The following TULP4 variants were observed in gnomAD, a reference collection of about 807,000 sequenced individuals.
TULP4 encodes tubby-related protein 4.
In TULP4, 16 loss-of-function variants were observed where a neutral mutation model predicts 129.0. The observed-to-expected ratio is 0.12, with a 90% CI of 0.08 to 0.19. TULP4 has a LOEUF of 0.19. TULP4 is among the 10% of genes least tolerant of loss of function. The pLI is 1.00. For synonymous variants in TULP4, 998 were observed against 854.0 expected (o/e 1.17, Z -2.94); for missense variants, 1,842 against 2,059.1 (o/e 0.89, Z 2.04).
At chr6:158,349,362 G>GAA in intron 1 of TULP4, among the ~76,000 whole-genome samples, 1 of 144,304 alleles carries the variant, frequency 6.9e-6, no homozygotes, top group Non-Finnish European at 1.5e-5. Context: ...CCTCTCAGAT[G>GAA]GGGCGGCCGG....
intron 1 of TULP4, among the ~76,000 whole-genome samples, chr6:158,318,983 T>G (rs1270572656): frequency 6.6e-6 from 1 of 150,816 alleles, no homozygotes; most frequent in African/African-American, 2.4e-5. Context: ...TAAACTTAAG[T>G]GATCCGCCCA....
chr6:158,318,311 C>T (rs989906538), intron 1 of TULP4, among the ~76,000 whole-genome samples: 1 of 152,060 alleles, frequency 6.6e-6, no homozygotes, highest in African/African-American at 2.4e-5. Context: ...CCCCACCCAC[C>T]GCAAAGAAAA....
chr6:158,441,046 G>A (rs1378262633), intron 3 of TULP4, among the ~76,000 whole-genome samples: 1 of 152,200 alleles, frequency 6.6e-6, no homozygotes, highest in East Asian at 1.9e-4. Context: ...GCAAGGCGCA[G>A]TGGCTCATGC....
chr6:158,453,485 CAAAA>C lies in TULP4; in HGVS notation c.859+1238_859+1241del, dbSNP rs869146924. 3.6e-3 allele frequency among the ~76,000 whole-genome samples: 64 copies of C among 17,964 alleles called. No individual in the cohort carries two copies. In the East Asian group the frequency reaches 0.12, roughly 34 times the overall value. 11.8% of individuals were successfully genotyped at this position (17,964 alleles called of 152,430 possible). On this transcript the variant is annotated intron_variant, in intron 5 of 13. Coordinates refer to ENST00000367097, the MANE Select transcript of TULP4 (RefSeq NM_020245.5). ...GGTGACAGAGCGAGACTCTGTCTCACAAAAAAAAAAAAAAAAAAAAAAAAGCCGG... is the reference window on the plus strand; with the variant it reads ...GGTGACAGAGCGAGACTCTGTCTCACAAAAAAAAAAAAAAAAAAAAGCCGG...
intron 6 of TULP4, among the ~76,000 whole-genome samples, chr6:158,462,301 T>A (rs1484062735): frequency 6.6e-6 from 1 of 151,892 alleles, no homozygotes; most frequent in Non-Finnish European, 1.5e-5. Context: ...TTTTTAAGTC[T>A]CCAGAAGTCC....
Position 158,427,471 on chromosome 6 carries a change from C to CTTTTTTTTTTT in TULP4, c.382-2234_382-2224dup, listed in dbSNP as rs557678837. ...AAATTCCTTTTCAAAATTATCAGAC[C>CTTTTTTTTTTT]TTTTTTTTTTTTTTTTTTTTTTTTT... On this transcript the variant is annotated intron_variant, in intron 2 of 13. Coordinates refer to ENST00000367097, the MANE Select transcript of TULP4 (RefSeq NM_020245.5). Among the ~76,000 whole-genome samples the CTTTTTTTTTTT allele has an allele frequency of 1.5e-3, 114 of 74,136 alleles. 16 individuals are homozygous for CTTTTTTTTTTT. The highest frequency in any genetic ancestry group is 2.2e-3 in the African/African-American group (35 of 16,114). The allele number at this position is 74,136 out of a possible 152,430, so 48.6% of individuals were successfully genotyped here.
intron 5 of TULP4, among the ~76,000 whole-genome samples, chr6:158,458,048 T>G (rs962834584): frequency 1.3e-5 from 2 of 152,172 alleles, no homozygotes; most frequent in Admixed American, 1.3e-4. Flanking sequence ...GCATGTCTAA[T>G]GACTAATAAA....
chr6:158,370,028 C>T (rs1777037600), intron 1 of TULP4, among the ~76,000 whole-genome samples: 1 of 151,562 alleles, frequency 6.6e-6, no homozygotes, highest in South Asian at 2.1e-4. Flanking sequence ...ATGGAGAAAC[C>T]CCATCTCTAT....
chr6:158,240,363 T>G (rs1583666067), intron 1 of TULP4, among the ~76,000 whole-genome samples: 1 of 67,850 alleles, frequency 1.5e-5, no homozygotes, highest in African/African-American at 5.1e-5. Flanking sequence ...CCCACCTCCC[T>G]CCCGGACCGG....
At chr6:158,427,052 A>C (rs183789300) in intron 2 of TULP4, among the ~76,000 whole-genome samples, 3 of 152,290 alleles carry the variant, frequency 2.0e-5, no homozygotes, top group East Asian at 3.9e-4. Context: ...AATGCTAGTG[A>C]TTTTTGTATG....
intron 7 of TULP4, among the ~76,000 whole-genome samples, chr6:158,480,553 C>T (rs1265036908): frequency 6.6e-6 from 1 of 152,226 alleles, no homozygotes; most frequent in African/African-American, 2.4e-5. Flanking sequence ...CTGCCAGTTG[C>T]TGTTCAAGTG....
intron 1 of TULP4, among the ~76,000 whole-genome samples, chr6:158,247,347 T>A (rs1382150832): frequency 6.6e-6 from 1 of 152,236 alleles, no homozygotes. Context: ...GAAAGAAAGC[T>A]ATGAAGTCTT....
intron 5 of TULP4, among the ~76,000 whole-genome samples, chr6:158,458,015 G>A (rs540866258): frequency 8.5e-5 from 13 of 152,138 alleles, no homozygotes; most frequent in African/African-American, 2.9e-4. Context: ...CCACATGCAC[G>A]TGTGTATGCA....
intron 1 of TULP4, among the ~76,000 whole-genome samples, chr6:158,254,638 T>G (rs1778212572): frequency 6.6e-6 from 1 of 152,244 alleles, no homozygotes; most frequent in Non-Finnish European, 1.5e-5. Flanking sequence ...GCCATTTCAT[T>G]TGGTCTTCAC....
At chr6:158,305,735 T>G (rs1779208103) in intron 1 of TULP4, among the ~76,000 whole-genome samples, 1 of 151,904 alleles carries the variant, frequency 6.6e-6, no homozygotes, top group African/African-American at 2.4e-5. Context: ...TTTATATTGG[T>G]TTCACCTTTT....
In TULP4 at chr6:158,493,771, A is replaced by G; in HGVS notation, c.1776+54A>G. The G allele has an allele frequency of 6.8e-7, 1 of 1,476,860 alleles. No homozygotes were observed. Among genetic ancestry groups the G allele is most frequent in the Non-Finnish European group, 9.0e-7 (1 of 1,111,808 alleles). The allele number at this position is 1,476,860 out of a possible 1,614,324, so 91.5% of individuals were successfully genotyped here. ...TCCCCTCCTCCTGGGGGCTATGCCC[A>G]GAGGGCCCCTTCCTACCCGCCGCCT... On this transcript the variant is annotated intron_variant, in intron 10 of 13. Coordinates refer to ENST00000367097, the MANE Select transcript of TULP4 (RefSeq NM_020245.5). The surrounding 1 kb of genome is among the most constrained non-coding windows in gnomAD (Gnocchi z 4.4).
chr6:158,393,665 T>C lies in TULP4; in HGVS notation c.253-19400T>C, dbSNP rs541165304. The stretch of plus-strand genomic sequence containing the variant: ...AGCCTGAGCTGTACCTTGGCCCCTT[T>C]TAGCTACAACTGGAGCTAGAGCGGC... On this transcript the variant is annotated intron_variant, in intron 1 of 13. Coordinates refer to ENST00000367097, the MANE Select transcript of TULP4 (RefSeq NM_020245.5). Among the ~76,000 whole-genome samples, 41 of 152,356 alleles carry C rather than the reference T, an allele frequency of 2.7e-4. 1 individual carries two copies. In the South Asian group the frequency reaches 6.8e-3, roughly 25 times the overall value.
intron 7 of TULP4, among the ~76,000 whole-genome samples, chr6:158,480,301 C>A (rs1036884987): frequency 6.6e-6 from 1 of 152,228 alleles, no homozygotes; most frequent in Non-Finnish European, 1.5e-5. Flanking sequence ...TTTTAGAAAT[C>A]TGTCTTGTTC....
intron 1 of TULP4, among the ~76,000 whole-genome samples, chr6:158,265,637 G>C (rs997308446): frequency 6.6e-6 from 1 of 151,340 alleles, no homozygotes; most frequent in African/African-American, 2.4e-5. Flanking sequence ...AGCCAAAATC[G>C]TGCCACTGCA....
Sources: gnomAD v4.1 joint callset for allele counts (sites outside exome capture counted in the v4.1 genomes callset) on GRCh38, gnomAD v4.1.1 for gene constraint, Gnocchi (gnomAD v3.1) non-coding constraint, MANE v1.5 for transcripts, NCBI Gene and HGNC (gene_info 2026-07-23, HGNC 2026-07-21) for gene names.